TBCD: variants seen among roughly 807,000 people sequenced by gnomAD.
TBCD encodes tubulin-specific chaperone D.
In TBCD, 105 loss-of-function variants were observed where a neutral mutation model predicts 169.3. The observed-to-expected ratio is 0.62, with a 90% CI of 0.53 to 0.73. The LOEUF (loss-of-function observed/expected upper bound fraction) is 0.73. Ranked by LOEUF, TBCD falls within the 30% of genes least tolerant of loss-of-function variation. TBCD has a pLI of 0.00. For synonymous variants in TBCD, 700 were observed against 643.9 expected (o/e 1.09, Z -1.32); for missense variants, 1,444 against 1,600.1 (o/e 0.90, Z 1.66).
intron 9 of TBCD, among the ~76,000 whole-genome samples, chr17:82,805,124 G>T (rs560435215): frequency 6.6e-6 from 1 of 152,378 alleles, no homozygotes; most frequent in South Asian, 2.1e-4. Flanking sequence ...GTACGCGGGG[G>T]CCTTGCTCAG....
chr17:82,903,413 G>A lies in TBCD; in HGVS notation c.1739G>A (p.Arg580Gln), dbSNP rs780523169. ...TCTCTCCTCACTCTCAGGGTCATCC[G>A]AGAGTTGGCTGCGAGGGCGCTGCAC... ...MKISHWDGVI[R>Q]ELAARALHNL... Residue 580 changes from arginine to glutamine, a missense_variant, in exon 19 of 39, where the codon CGA becomes CAA. Arg to Gln is a conservative substitution (Grantham distance 43). Coordinates refer to ENST00000355528, the MANE Select transcript of TBCD (RefSeq NM_005993.5). This position sits in a 1 kb window ranked among gnomAD's most constrained non-coding sequence, Gnocchi z 4.8. 5 of 1,602,488 alleles carry A rather than the reference G, an allele frequency of 3.1e-6. No individual in the cohort carries two copies. Among genetic ancestry groups the A allele is most frequent in the Non-Finnish European group, 4.3e-6 (5 of 1,174,614 alleles).
rs75124055 is a variant in TBCD at position 82,786,848 on chromosome 17, T to C, written c.771+5127T>C. 2.1e-3 allele frequency among the ~76,000 whole-genome samples: 308 copies of C among 149,602 alleles called. 10 individuals carry two copies. The East Asian group carries it at 0.055, about 27-fold the overall frequency. ...TTTTTTTTTTTTTTTTTTGATGATC[T>C]TGTTGGTTTTCTCTAGATTGTTCCC... On this transcript the variant is annotated intron_variant, in intron 7 of 38. Transcript: ENST00000355528.
chr17:82,861,665 A>G (rs1380607660), intron 13 of TBCD, among the ~76,000 whole-genome samples: 1 of 152,134 alleles, frequency 6.6e-6, no homozygotes, highest in Non-Finnish European at 1.5e-5. Context: ...GTTTCCCTCT[A>G]AAGATGTGGG....
intron 13 of TBCD, among the ~76,000 whole-genome samples, chr17:82,827,913 C>A (rs1366849910): frequency 8.0e-5 from 10 of 124,794 alleles, no homozygotes; most frequent in South Asian, 2.7e-4. Flanking sequence ...GCACACACAC[C>A]CCCATAGATA....
chr17:82,911,552 C>T lies in TBCD; in HGVS notation c.2007-206C>T, dbSNP rs59308307. Among the ~76,000 whole-genome samples, 4,284 of 152,274 alleles carry T rather than the reference C, an allele frequency of 0.028. 211 individuals are homozygous for T. The highest frequency in any genetic ancestry group is 0.097 in the African/African-American group (4,032 of 41,532). ...AGTAAAAATTAAAAATCAGCATCAC[C>T]CCAGCTAGGATGGGAGACCTCTGGA... On this transcript the variant is annotated intron_variant, in intron 22 of 38. Transcript: ENST00000355528.
Position 82,927,238 on chromosome 17 carries a change from G to C in TBCD, c.2524G>C (p.Gly842Arg), listed in dbSNP as rs375752538. The change falls in exon 29 of 39, where the codon GGA becomes CGA. Residue 842 changes from glycine to arginine, a missense_variant. Coordinates refer to ENST00000355528, the MANE Select transcript of TBCD (RefSeq NM_005993.5). ...KAGAPDEAVC[G>R]ENVSQIYCAL... ...AGGAGCCCCAGACGAAGCTGTGTGC[G>C]GAGAGAATGTTTCCCAGATTTACTG... 6.2e-7 allele frequency: 1 copy of C among 1,613,908 alleles called. No individual in the cohort carries two copies. The highest frequency in any genetic ancestry group is 1.1e-5 in the South Asian group (1 of 91,074).
At chr17:82,762,025 A>G (rs1214001860) in intron 2 of TBCD, among the ~76,000 whole-genome samples, 1 of 150,364 alleles carries the variant, frequency 6.7e-6, no homozygotes, top group Non-Finnish European at 1.5e-5. Context: ...CTGTTGATGG[A>G]CATTTGAGTT....
chr17:82,885,429 TTCTC>T (rs2058652771), intron 15 of TBCD, among the ~76,000 whole-genome samples: 1 of 152,204 alleles, frequency 6.6e-6, no homozygotes, highest in African/African-American at 2.4e-5. Flanking sequence ...TTAGAAGTCT[TTCTC>T]TGCCTCAGGT....
Position 82,915,004 on chromosome 17 carries a change from G to A in TBCD, c.2038+3215G>A, listed in dbSNP as rs968048908. Among the ~76,000 whole-genome samples, 1 of 152,152 alleles carries A rather than the reference G, an allele frequency of 6.6e-6. No homozygotes were observed. Among genetic ancestry groups the A allele is most frequent in the Admixed American group, 6.5e-5 (1 of 15,278 alleles). ...TTAGCTGTCTGTTTTCCTTGCTTCT[G>A]TATTTCTGAGTTCTGTATGTACGCA... On this transcript the variant is annotated intron_variant, in intron 23 of 38. Transcript: ENST00000355528. This position sits in a 1 kb window ranked among gnomAD's most constrained non-coding sequence, Gnocchi z 4.3.
At chr17:82,865,601 A>T in intron 13 of TBCD, 1 of 943,786 alleles carries the variant, frequency 1.1e-6, no homozygotes, top group Non-Finnish European at 1.3e-6. Context: ...AAGGCCTGAC[A>T]GGGCGATGCG....
intron 13 of TBCD, among the ~76,000 whole-genome samples, chr17:82,821,377 A>G (rs2052401360): frequency 6.6e-6 from 1 of 152,264 alleles, no homozygotes; most frequent in Non-Finnish European, 1.5e-5. Flanking sequence ...AGTGGCTCAC[A>G]CTTGCTTCCC....
intron 13 of TBCD, among the ~76,000 whole-genome samples, chr17:82,827,377 A>C (rs1199547136): frequency 6.6e-6 from 1 of 152,122 alleles, no homozygotes; most frequent in Non-Finnish European, 1.5e-5. Context: ...GAAAAGTGAG[A>C]GAAAGGGCTG....
chr17:82,849,176 C>T (rs1428191240), intron 13 of TBCD, among the ~76,000 whole-genome samples: 10 of 70,172 alleles, frequency 1.4e-4, no homozygotes, highest in African/African-American at 2.4e-4. Flanking sequence ...TCCCCCTCTG[C>T]CTGCTGCGTC....
chr17:82,774,684 C>T (rs867551249), intron 6 of TBCD, among the ~76,000 whole-genome samples: 1 of 152,180 alleles, frequency 6.6e-6, no homozygotes, highest in Non-Finnish European at 1.5e-5. Flanking sequence ...GGCTGCCCCC[C>T]ACCCGAGTGT....
chr17:82,815,196 C>T (rs2051780102), intron 13 of TBCD, among the ~76,000 whole-genome samples: 1 of 152,218 alleles, frequency 6.6e-6, no homozygotes, highest in South Asian at 2.1e-4. Context: ...TTCCTAATTG[C>T]CTCTTTTGTC....
Position 82,929,062 on chromosome 17 carries a change from G to A in TBCD, c.2694-51G>A, listed in dbSNP as rs1411190443. 2.0e-5 allele frequency: 31 copies of A among 1,581,888 alleles called. No homozygotes were observed. The East Asian group carries it at 3.8e-4, about 20-fold the overall frequency. Reference sequence around the variant, plus strand: ...ACCGCCTGTGCTCAGTTTACCGCCCGCTCTTAATTTACCGCCCGCCCTTGG... The same window carrying A: ...ACCGCCTGTGCTCAGTTTACCGCCCACTCTTAATTTACCGCCCGCCCTTGG... On this transcript the variant is annotated intron_variant, in intron 30 of 38. Transcript: ENST00000355528.
chr17:82,830,066 C>A (rs1335896715), intron 13 of TBCD: 1 of 1,597,542 alleles, frequency 6.3e-7, no homozygotes, highest in Admixed American at 1.7e-5. Flanking sequence ...AGTGCCAGTT[C>A]AGAGGTGTTG....
rs1362479764 is a variant in TBCD at position 82,944,456 on chromosome 17, C to T, written c.*1993C>T. ...TAGCAAATGAACAAGCAAGCACCAT[C>T]AAGGCAGGCAACACTGAGTGCTATG... is the stretch of plus-strand genomic sequence containing the variant. On this transcript the variant is annotated 3_prime_UTR_variant, in exon 39 of 39. Coordinates refer to ENST00000355528, the MANE Select transcript of TBCD (RefSeq NM_005993.5). 6.6e-6 allele frequency: 1 copy of T among 152,222 alleles called. No individual in the cohort carries two copies. Among genetic ancestry groups the T allele is most frequent in the Non-Finnish European group, 1.5e-5 (1 of 68,070 alleles). The allele number at this position is 152,222 out of a possible 1,614,324, so 9.4% of individuals were successfully genotyped here.
Position 82,923,766 on chromosome 17 carries a change from G to T in TBCD, c.2260+33G>T. On this transcript the variant is annotated intron_variant, in intron 26 of 38. Transcript: ENST00000355528. The surrounding 1 kb of genome is among the most constrained non-coding windows in gnomAD (Gnocchi z 4.6). ...GGGAGCCCTTTTCTTGAAGACTCCAGGGGCTTCCAGCAGGAAGCTGCTGGG... is the reference window on the plus strand; with the variant it reads ...GGGAGCCCTTTTCTTGAAGACTCCATGGGCTTCCAGCAGGAAGCTGCTGGG... The T allele has an allele frequency of 6.5e-7, 1 of 1,548,522 alleles. No individual in the cohort carries two copies. The highest frequency in any genetic ancestry group is 2.4e-5 in the East Asian group (1 of 42,542).
Sources: gnomAD v4.1 joint callset for allele counts (sites outside exome capture counted in the v4.1 genomes callset) on GRCh38, gnomAD v4.1.1 for gene constraint, Gnocchi (gnomAD v3.1) non-coding constraint, MANE v1.5 for transcripts, NCBI Gene and HGNC (gene_info 2026-07-23, HGNC 2026-07-21) for gene names.